Variants in ABAT observed in about 807,000 individuals in gnomAD.
ABAT encodes the protein 4-aminobutyrate aminotransferase, also known as 4-aminobutyrate aminotransferase, mitochondrial.
ABAT carries 45 observed loss-of-function variants against 64.6 expected under a neutral mutation model. The observed-to-expected ratio is 0.70, with a 90% confidence interval of 0.55 to 0.89. The LOEUF (loss-of-function observed/expected upper bound fraction) is 0.89, where lower values mean the gene tolerates loss of function less well. Ranked by LOEUF, ABAT falls within the 40% of genes least tolerant of loss-of-function variation. ABAT has a pLI of 0.00. For synonymous variants in ABAT, 297 were observed against 250.5 expected, an observed-to-expected ratio of 1.19 and a Z score of -1.75; for missense variants, 633 against 658.4, an observed-to-expected ratio of 0.96 and a Z score of 0.42.
chr16:8,777,626 G>T (rs1226512894), intron 14 of ABAT, among the ~76,000 whole-genome samples: 2 of 152,156 alleles, frequency 1.3e-5, no homozygotes, highest in African/African-American at 4.8e-5. Flanking sequence ...TGTCTAAATG[G>T]AAGAGACTTT....
intron 11 of ABAT, among the ~76,000 whole-genome samples, chr16:8,770,016 A>G (rs2060057778): frequency 6.6e-6 from 1 of 152,212 alleles, no homozygotes; most frequent in African/African-American, 2.4e-5. Flanking sequence ...CATCAAGTAC[A>G]GCACTGTCCA....
chr16:8,722,330 G>C (rs2058395457), intron 1 of ABAT, among the ~76,000 whole-genome samples: 1 of 152,146 alleles, frequency 6.6e-6, no homozygotes, highest in Non-Finnish European at 1.5e-5. Context: ...TCTTTGTAGA[G>C]ACAGGGGTTT....
rs868601152 is a variant in ABAT, at chr16:8,779,804, G to T, written c.1381+214G>T. On this transcript the variant is annotated intron_variant, in intron 15 of 15. Coordinates refer to ENST00000268251, the MANE Select transcript of ABAT (RefSeq NM_020686.6). ...TACTCAACAAGCGTTCGCTGAGGAGGTGAGTTGTAAGTGGACACTGGAGAC... is the reference window on the plus strand; with the variant it reads ...TACTCAACAAGCGTTCGCTGAGGAGTTGAGTTGTAAGTGGACACTGGAGAC... Among the ~76,000 whole-genome samples, 39 of 152,198 alleles carry T rather than the reference G, an allele frequency of 2.6e-4. 1 individual carries two copies. The highest frequency in any genetic ancestry group is 8.7e-4 in the African/African-American group (36 of 41,446).
At chr16:8,754,927 C>G (rs1945330067) in intron 5 of ABAT, among the ~76,000 whole-genome samples, 1 of 151,948 alleles carries the variant, frequency 6.6e-6, no homozygotes, top group African/African-American at 2.4e-5. Context: ...CCATGTTGGC[C>G]AAGCTGGTAT....
At position 8,782,222 on chromosome 16, in the gene ABAT, G is replaced by A. The variant is rs1308077319; in HGVS notation, c.*792G>A. 1.3e-5 allele frequency: 2 copies of A among 152,812 alleles called. No individual in the cohort carries two copies. Among genetic ancestry groups the A allele is most frequent in the African/African-American group, 2.4e-5 (1 of 41,454 alleles). The allele number at this position is 152,812 out of a possible 1,614,324, so 9.5% of individuals were successfully genotyped here. A position where few individuals can be genotyped will look rare whatever the true frequency, so the allele number is the denominator to read the frequency against. On this transcript the variant is annotated 3_prime_UTR_variant, in exon 16 of 16. Coordinates refer to ENST00000268251, the MANE Select transcript of ABAT (RefSeq NM_020686.6). ...ACCTGGACCTGGGTGGGAGGAAACT[G>A]TAGCCTGAGTGTCCACAGGGACACA... is the stretch of plus-strand genomic sequence containing the variant.
chr16:8,697,745 C>T (rs1382418248), intron 1 of ABAT, among the ~76,000 whole-genome samples: 1 of 152,036 alleles, frequency 6.6e-6, no homozygotes, highest in East Asian at 1.9e-4. Flanking sequence ...AAGAGATTCT[C>T]CTGCCTCAGC....
rs974632812 is a variant in ABAT at position 8,781,751 on chromosome 16, T to C, written c.*321T>C. The C allele has an allele frequency of 4.4e-5, 19 of 434,824 alleles. No homozygotes were observed. Among genetic ancestry groups the C allele is most frequent in the African/African-American group, 4.0e-5 (2 of 49,724 alleles). The allele number at this position is 434,824 out of a possible 1,614,324, so 26.9% of individuals were successfully genotyped here. On this transcript the variant is annotated 3_prime_UTR_variant, in exon 16 of 16. Transcript: ENST00000268251. The surrounding 1 kb of genome is among the most constrained non-coding windows in gnomAD (Gnocchi z 4.5). Reference sequence around the variant, plus strand: ...AACCTTGACCAACCCCAGCAATTTTTCCAAAAGCCAGTCAAGGGCATTACA... The same window carrying C: ...AACCTTGACCAACCCCAGCAATTTTCCCAAAAGCCAGTCAAGGGCATTACA...
intron 3 of ABAT, among the ~76,000 whole-genome samples, chr16:8,746,791 A>C (rs1278595061): frequency 1.3e-5 from 2 of 152,116 alleles, no homozygotes; most frequent in African/African-American, 4.8e-5. Flanking sequence ...GTAATGCTTC[A>C]TAACAAACAG....
intron 1 of ABAT, among the ~76,000 whole-genome samples, chr16:8,725,969 A>G (rs13337410): frequency 0.03 from 4,635 of 152,080 alleles, 213 homozygotes; most frequent in African/African-American, 0.1. Context: ...TCTCATTGAC[A>G]TGCTGAGTGC....
At chr16:8,682,228 G>C (rs1730950) in intron 1 of ABAT, among the ~76,000 whole-genome samples, 35,620 of 79,690 alleles carry the variant, frequency 0.45, 4,989 homozygotes, top group Middle Eastern at 0.52. Flanking sequence ...CACACACACA[G>C]AGGAGGCATT....
At chr16:8,731,858 T>C (rs1012850685) in intron 1 of ABAT, among the ~76,000 whole-genome samples, 1 of 152,054 alleles carries the variant, frequency 6.6e-6, no homozygotes, top group African/African-American at 2.4e-5. Context: ...TCTGTTTCTC[T>C]TTTTTTCCTC....
chr16:8,723,823 A>ATG lies in ABAT; in HGVS notation c.-41-11875_-41-11874insGT, dbSNP rs1567286176. On this transcript the variant is annotated intron_variant, in intron 1 of 15. Transcript: ENST00000268251. ...ATCCAAGCTTTTTATATATATATAT[A>ATG]TATATTTTTTTTTTTTTTTTTTTTT... Among the ~76,000 whole-genome samples, 43 of 50,064 alleles carry ATG rather than the reference A, an allele frequency of 8.6e-4. 1 individual carries two copies. The highest frequency in any genetic ancestry group is 3.1e-3 in the African/African-American group (41 of 13,070). 32.8% of individuals were successfully genotyped at this position (50,064 alleles called of 152,430 possible). A position where few individuals can be genotyped will look rare whatever the true frequency, so the allele number is the denominator to read the frequency against.
chr16:8,705,631 A>G (rs2057923097), intron 1 of ABAT: 1 of 152,200 alleles, frequency 6.6e-6, no homozygotes, highest in Non-Finnish European at 1.5e-5. Context: ...GCCAGGGGTG[A>G]TGGTCTGGCT....
chr16:8,734,601 T>G (rs1475694255), intron 1 of ABAT, among the ~76,000 whole-genome samples: 1 of 152,158 alleles, frequency 6.6e-6, no homozygotes, highest in East Asian at 1.9e-4. Flanking sequence ...TTAATCATAC[T>G]GTATGTAAAG....
At chr16:8,771,468 CTTT>C (rs144671840) in intron 11 of ABAT, among the ~76,000 whole-genome samples, 20 of 130,020 alleles carry the variant, frequency 1.5e-4, no homozygotes, top group Non-Finnish European at 2.1e-4. Context: ...GTTTTTCTTT[CTTT>C]TTTTTTTTTT....
intron 4 of ABAT, among the ~76,000 whole-genome samples, chr16:8,748,376 A>G (rs546100613): frequency 3.9e-5 from 6 of 152,228 alleles, no homozygotes; most frequent in Non-Finnish European, 5.9e-5. Context: ...TTCTAGTTTC[A>G]TTCCATTATG....
chr16:8,693,740 A>C (rs1257360468), intron 1 of ABAT, among the ~76,000 whole-genome samples: 1 of 152,210 alleles, frequency 6.6e-6, no homozygotes, highest in African/African-American at 2.4e-5. Context: ...AAGTGCTGGG[A>C]TTACGAGTAT....
rs1477389208 is a variant in ABAT at position 8,776,595 on chromosome 16, G to GCAGTTC, written c.1269+106_1269+111dup. On this transcript the variant is annotated intron_variant, in intron 14 of 15. Transcript: ENST00000268251. The surrounding 1 kb of genome is among the most constrained non-coding windows in gnomAD (Gnocchi z 4.4). Reference sequence around the variant, plus strand: ...GCATGGTGTTGTGCCTGCTGTTCCAGCAGTTCGTAACGGGCTGTGCTGCTC... The same window carrying GCAGTTC: ...GCATGGTGTTGTGCCTGCTGTTCCAGCAGTTCCAGTTCGTAACGGGCTGTGCTGCTC... 4 of 1,268,444 alleles carry GCAGTTC rather than the reference G, an allele frequency of 3.2e-6. No homozygotes were observed. Among genetic ancestry groups the GCAGTTC allele is most frequent in the Non-Finnish European group, 4.4e-6 (4 of 900,230 alleles). The allele number at this position is 1,268,444 out of a possible 1,614,324, so 78.6% of individuals were successfully genotyped here.
chr16:8,781,222 T>A lies in ABAT; in HGVS notation c.1382-87T>A. 1 of 1,593,210 alleles carries A rather than the reference T, an allele frequency of 6.3e-7. No individual in the cohort carries two copies. The highest frequency in any genetic ancestry group is 8.6e-7 in the Non-Finnish European group (1 of 1,163,100). ...GGATGGATGGATGGATGGATGAGCGTTGCCAACAGGCATCACTTTCCCCCC... is the reference window on the plus strand; with the variant it reads ...GGATGGATGGATGGATGGATGAGCGATGCCAACAGGCATCACTTTCCCCCC... On this transcript the variant is annotated intron_variant, in intron 15 of 15. Transcript: ENST00000268251. This position sits in a 1 kb window ranked among gnomAD's most constrained non-coding sequence, Gnocchi z 4.5.
Sources: allele counts gnomAD v4.1 joint callset (sites outside exome capture counted in the v4.1 genomes callset), GRCh38; gene constraint gnomAD v4.1.1; non-coding constraint Gnocchi (gnomAD v3.1); transcripts MANE v1.5; gene names NCBI Gene and HGNC (gene_info 2026-07-23, HGNC 2026-07-21).